The following BCKDHB variants were observed in gnomAD, a reference collection of about 807,000 sequenced individuals.
BCKDHB encodes 2-oxoisovalerate dehydrogenase subunit beta, mitochondrial.
A neutral mutation model predicts 48.5 loss-of-function variants in BCKDHB; 41 were observed. The ratio of observed to expected loss-of-function variants is 0.85; its 90% confidence interval spans 0.66 to 1.10. BCKDHB has a LOEUF of 1.10. Ranked by LOEUF, BCKDHB falls within the 50% of genes least tolerant of loss-of-function variation. The pLI is 0.00. For synonymous variants in BCKDHB, 201 were observed against 174.8 expected, an observed-to-expected ratio of 1.15 and a Z score of -1.18; for missense variants, 496 against 494.2, an observed-to-expected ratio of 1.00 and a Z score of -0.03.
rs1007269026 is a variant in BCKDHB at position 80,346,136 on chromosome 6, G to A, written c.*2332G>A. 1 of 152,152 alleles carries A rather than the reference G, an allele frequency of 6.6e-6. No individual in the cohort carries two copies. The highest frequency in any genetic ancestry group is 1.5e-5 in the Non-Finnish European group (1 of 68,018). 9.4% of individuals were successfully genotyped at this position (152,152 alleles called of 1,614,324 possible). A position where few individuals can be genotyped will look rare whatever the true frequency, so the allele number is the denominator to read the frequency against. ...TCTATTATTGTATTGTAACACACAT[G>A]TATTGATGATTTTCATTAAGAGTTT... is the stretch of plus-strand genomic sequence containing the variant. On this transcript the variant is annotated 3_prime_UTR_variant, in exon 10 of 10. Transcript: ENST00000320393.
the BCKDHB span, among the ~76,000 whole-genome samples, chr6:80,379,330 C>T: frequency 1.3e-5 from 2 of 151,948 alleles, no homozygotes; most frequent in African/African-American, 4.8e-5. Context: ...GAACAAAGAA[C>T]AAAAACTTTC....
At chr6:80,369,241 T>C in the BCKDHB span, among the ~76,000 whole-genome samples, 3 of 152,162 alleles carry the variant, frequency 2.0e-5, no homozygotes, top group African/African-American at 7.2e-5. Flanking sequence ...TTATTCGTTA[T>C]TTGTATTCTT....
chr6:80,465,338 A>G, the BCKDHB span, among the ~76,000 whole-genome samples: 1 of 152,198 alleles, frequency 6.6e-6, no homozygotes, highest in Admixed American at 6.5e-5. Flanking sequence ...CACCTCGTAC[A>G]TCTGATTTAT....
intron 6 of BCKDHB, among the ~76,000 whole-genome samples, chr6:80,192,978 C>G (rs1004378781): frequency 2.6e-5 from 4 of 151,998 alleles, no homozygotes; most frequent in African/African-American, 9.7e-5. Context: ...GCCACCATGC[C>G]TGGCTAATTT....
chr6:80,423,708 C>T, the BCKDHB span, among the ~76,000 whole-genome samples: 7 of 152,112 alleles, frequency 4.6e-5, no homozygotes, highest in African/African-American at 1.4e-4. Flanking sequence ...ATCCTTTCAC[C>T]TACTAATTAG....
intron 6 of BCKDHB, among the ~76,000 whole-genome samples, chr6:80,179,040 C>T (rs1054082464): frequency 5.9e-5 from 9 of 151,752 alleles, no homozygotes; most frequent in African/African-American, 1.9e-4. Flanking sequence ...TTTATTTTTT[C>T]GAGACAGGGT....
At chr6:80,109,937 T>C (rs1769325683) in intron 1 of BCKDHB, among the ~76,000 whole-genome samples, 1 of 152,208 alleles carries the variant, frequency 6.6e-6, no homozygotes, top group Non-Finnish European at 1.5e-5. Flanking sequence ...TGTGTCTTAC[T>C]CCAAAGCCTC....
intron 9 of BCKDHB, 49 bp downstream of exon 9, chr6:80,273,270 CCA>C: frequency 7.0e-7 from 1 of 1,424,208 alleles, no homozygotes; most frequent in Non-Finnish European, 9.9e-7. Flanking sequence ...ATTCCACATG[CCA>C]ATTCCAGAAG....
At chr6:80,428,375 G>A in the BCKDHB span, among the ~76,000 whole-genome samples, 1 of 152,002 alleles carries the variant, frequency 6.6e-6, no homozygotes, top group Admixed American at 6.6e-5. Flanking sequence ...ATAATCCTTG[G>A]GGTATATATC....
At chr6:80,409,262 G>A in the BCKDHB span, among the ~76,000 whole-genome samples, 3 of 151,880 alleles carry the variant, frequency 2.0e-5, no homozygotes, top group African/African-American at 4.8e-5. Context: ...TGTGATTTCT[G>A]TTCTGTTACA....
At chr6:80,158,018 A>G (rs1283410973) in intron 3 of BCKDHB, among the ~76,000 whole-genome samples, 1 of 152,190 alleles carries the variant, frequency 6.6e-6, no homozygotes, top group Admixed American at 6.5e-5. Flanking sequence ...CATTCAAACG[A>G]TATTACTGAA....
chr6:80,462,403 G>T, the BCKDHB span, among the ~76,000 whole-genome samples: 1 of 152,156 alleles, frequency 6.6e-6, no homozygotes, highest in Non-Finnish European at 1.5e-5. Flanking sequence ...AACCCAAGAA[G>T]AAGAAGATGC....
the BCKDHB span, among the ~76,000 whole-genome samples, chr6:80,387,939 A>G: frequency 0.38 from 58,566 of 152,120 alleles, 12,529 homozygotes; most frequent in East Asian, 0.66. Flanking sequence ...TGGGAAATAA[A>G]TCCAACTAAA....
intron 9 of BCKDHB, among the ~76,000 whole-genome samples, chr6:80,297,492 G>A (rs1414051849): frequency 1.3e-5 from 2 of 152,048 alleles, no homozygotes; most frequent in African/African-American, 4.8e-5. Context: ...AGAGACAGAA[G>A]GTCCAGTAGT....
intron 3 of BCKDHB, among the ~76,000 whole-genome samples, chr6:80,136,091 T>C (rs775741361): frequency 5.9e-5 from 9 of 152,200 alleles, no homozygotes; most frequent in Admixed American, 3.3e-4. Flanking sequence ...GGGTTGCTTC[T>C]GCCTTTTGCC....
At chr6:80,387,967 C>G in the BCKDHB span, among the ~76,000 whole-genome samples, 1 of 152,176 alleles carries the variant, frequency 6.6e-6, no homozygotes, top group Admixed American at 6.5e-5. Context: ...GACCTTCTAC[C>G]TCAGTAAAAT....
chr6:80,195,699 A>G (rs923395790), intron 6 of BCKDHB, among the ~76,000 whole-genome samples: 1 of 152,190 alleles, frequency 6.6e-6, no homozygotes, highest in African/African-American at 2.4e-5. Flanking sequence ...GAATACTGGG[A>G]CACAAAAATA....
At chr6:80,403,143 G>A in the BCKDHB span, among the ~76,000 whole-genome samples, 1 of 151,596 alleles carries the variant, frequency 6.6e-6, no homozygotes, top group Admixed American at 6.6e-5. Context: ...CTGTGAAAAA[G>A]GCCATTGTAA....
intron 9 of BCKDHB, among the ~76,000 whole-genome samples, chr6:80,299,075 CT>C (rs34518829): frequency 0.92 from 139,423 of 152,134 alleles, 63,975 homozygotes; most frequent in East Asian, 0.99. Flanking sequence ...CTGAAAGGGT[CT>C]TTCTAACTCC....
Sources: gnomAD v4.1 joint callset for allele counts (sites outside exome capture counted in the v4.1 genomes callset) on GRCh38, gnomAD v4.1.1 for gene constraint, MANE v1.5 for transcripts, NCBI Gene and HGNC (gene_info 2026-07-23, HGNC 2026-07-21) for gene names.